The following BAAT variants were observed in gnomAD, a reference collection of about 807,000 sequenced individuals.
BAAT encodes bile acid CoA: amino acid N-acyltransferase (glycine N-choloyltransferase).
Under a neutral mutation model 18.9 loss-of-function variants are expected in BAAT, and 13 were observed. The ratio of observed to expected loss-of-function variants is 0.69; its 90% confidence interval spans 0.45 to 1.10. The LOEUF (loss-of-function observed/expected upper bound fraction) is 1.10. BAAT is among the 50% of genes least tolerant of loss of function. The pLI is 0.00. For synonymous variants in BAAT, 170 were observed against 190.7 expected, an observed-to-expected ratio of 0.89 and a Z score of 0.89; for missense variants, 489 against 504.0, an observed-to-expected ratio of 0.97 and a Z score of 0.28.
intron 1 of BAAT, among the ~76,000 whole-genome samples, chr9:101,381,583 A>G (rs1830133381): frequency 6.6e-6 from 1 of 152,212 alleles, no homozygotes; most frequent in African/African-American, 2.4e-5. Flanking sequence ...AGATTGTCAA[A>G]CTAATTGAAA....
In BAAT at chr9:101,378,685, TA is replaced by T. The variant is rs1216741711; in HGVS notation, c.-60+6169del. On this transcript the variant is annotated intron_variant, in intron 1 of 3. Coordinates refer to ENST00000259407, the MANE Select transcript of BAAT (RefSeq NM_001701.4). ...TAGGCACAGGCAAAGATTTCATGAC[TA>T]AAACACCAAAAGCAATTTCACCAGA... is the stretch of plus-strand genomic sequence containing the variant. 3.3e-5 allele frequency among the ~76,000 whole-genome samples: 5 copies of T among 152,288 alleles called. No homozygotes were observed. In the East Asian group the frequency reaches 7.7e-4, roughly 24 times the overall value.
intron 1 of BAAT, among the ~76,000 whole-genome samples, chr9:101,381,752 C>G: frequency 6.6e-6 from 1 of 152,088 alleles, no homozygotes; most frequent in South Asian, 2.1e-4. Context: ...AATGAGCCTA[C>G]AGAGAGAGAA....
In BAAT at chr9:101,372,915, T is replaced by G. The variant is rs77856890; in HGVS notation, c.-59-1452A>C. ...AGAAACTGTAGCCACAGAGTAAGTC[T>G]TTCTCTATCTGCCAACTTTCCGTAG... On this transcript the variant is annotated intron_variant, in intron 1 of 3. Transcript: ENST00000259407. Among the ~76,000 whole-genome samples the G allele has an allele frequency of 2.1e-3, 325 of 152,292 alleles. 3 individuals are homozygous for G. Among genetic ancestry groups the G allele is most frequent in the Middle Eastern group, 6.8e-3 (2 of 294 alleles).
chr9:101,368,794 C>A (rs756193310), intron 2 of BAAT, among the ~76,000 whole-genome samples: 14 of 152,058 alleles, frequency 9.2e-5, no homozygotes, highest in Non-Finnish European at 1.5e-4. Flanking sequence ...ACAATATATG[C>A]AAAATATGGT....
Position 101,371,478 on chromosome 9 carries a change from A to G in BAAT, c.-59-15T>C. 1.4e-6 allele frequency: 2 copies of G among 1,398,906 alleles called. No individual in the cohort carries two copies. Among genetic ancestry groups the G allele is most frequent in the Admixed American group, 3.7e-5 (2 of 53,680 alleles). The allele number at this position is 1,398,906 out of a possible 1,614,324, so 86.7% of individuals were successfully genotyped here. ...AACCTCAAAACCTCAAAAAAGAAAG[A>G]AAGAGGAGCAGTAAAATAAAGTAGA... On this transcript the variant is annotated splice_polypyrimidine_tract_variant and intron_variant, in intron 1 of 3. Transcript: ENST00000259407.
rs1829940115 is a variant in BAAT at position 101,371,367 on chromosome 9, A to G, written c.38T>C (p.Val13Ala). 6.2e-7 allele frequency: 1 copy of G among 1,613,148 alleles called. No individual in the cohort carries two copies. Among genetic ancestry groups the G allele is most frequent in the African/African-American group, 1.3e-5 (1 of 75,062 alleles). The change falls in exon 2 of 4, where the codon GTT becomes GCT. Residue 13 changes from valine to alanine, a missense_variant. Coordinates refer to ENST00000259407, the MANE Select transcript of BAAT (RefSeq NM_001701.4). ...AGCTCGGATATGCACTGGCTCATCA[A>G]CAAGTGCACTCACAGGGGTAGCTGT... ...QLTATPVSAL[V>A]DEPVHIRATG...
chr9:101,362,903 T>C lies in BAAT; in HGVS notation c.782A>G (p.Asn261Ser), dbSNP rs369138634. The C allele has an allele frequency of 6.8e-6, 11 of 1,613,960 alleles. No individual in the cohort carries two copies. The African/African-American group carries it at 1.2e-4, about 18-fold the overall frequency. Reference sequence around the variant, plus strand: ...TACCTGTGGAATGCCAAAAGGAAAGTTGGTCCCATTAATAAGTACCGTGGC... The same window carrying C: ...TACCTGTGGAATGCCAAAAGGAAAGCTGGTCCCATTAATAAGTACCGTGGC... Reference protein sequence around the residue: ...VTATVLINGTNFPFGIPQVYH... With the variant: ...VTATVLINGTSFPFGIPQVYH... The change falls in exon 4 of 4, where the codon AAC becomes AGC. Residue 261 changes from asparagine (N) to serine (S), a missense_variant. Physicochemically the swap from Asn to Ser is conservative, Grantham distance 46 (BLOSUM62 1). Transcript: ENST00000259407.
At chr9:101,365,601 A>G (rs926455197) in intron 3 of BAAT, among the ~76,000 whole-genome samples, 1 of 151,928 alleles carries the variant, frequency 6.6e-6, no homozygotes, top group African/African-American at 2.4e-5. Flanking sequence ...TGGTGGCTCA[A>G]TCTCGGCTCA....
intron 1 of BAAT, among the ~76,000 whole-genome samples, chr9:101,378,298 T>G (rs1197764431): frequency 6.6e-6 from 1 of 152,156 alleles, no homozygotes; most frequent in Non-Finnish European, 1.5e-5. Flanking sequence ...AGAACAACAC[T>G]GGAGGCATCA....
intron 1 of BAAT, among the ~76,000 whole-genome samples, chr9:101,379,356 A>C (rs1830096367): frequency 6.6e-6 from 1 of 152,172 alleles, no homozygotes; most frequent in African/African-American, 2.4e-5. Flanking sequence ...TCTTTAGAAG[A>C]ATTCACCCAA....
chr9:101,376,677 CA>C (rs968817856), intron 1 of BAAT: 1 of 152,294 alleles, frequency 6.6e-6, no homozygotes, highest in African/African-American at 2.4e-5. Flanking sequence ...CACTCACGCA[CA>C]AAGACTAGCT....
intron 2 of BAAT, 131 bp from the exon 3 acceptor site, chr9:101,368,453 A>C: frequency 1.2e-6 from 1 of 852,884 alleles, no homozygotes; most frequent in Non-Finnish European, 1.8e-6. Flanking sequence ...AGATAATAAA[A>C]ACATGAGAAC....
At chr9:101,366,128 C>A (rs1207012864) in intron 3 of BAAT, among the ~76,000 whole-genome samples, 1 of 152,130 alleles carries the variant, frequency 6.6e-6, no homozygotes, top group African/African-American at 2.4e-5. Context: ...CTTTCTCCCC[C>A]ACCCCTCCCA....
rs1426190263 is a variant in BAAT, at chr9:101,362,469, G to A, written c.1216C>T (p.Leu406Phe). 1.2e-6 allele frequency: 2 copies of A among 1,614,112 alleles called. No individual in the cohort carries two copies. The highest frequency in any genetic ancestry group is 1.1e-5 in the South Asian group (1 of 91,080). Reference protein sequence around the residue: ...EHAWKEIQRFLRKHLIPDVTS... With the variant: ...EHAWKEIQRFFRKHLIPDVTS... ...ACATCTGGAATGAGGTGCTTCCTGA[G>A]AAATCTCTGGATCTCCTTCCAAGCA... The change falls in exon 4 of 4, where the codon CTC becomes TTC. Residue 406 changes from leucine to phenylalanine, a missense_variant. Leu to Phe is a conservative substitution (Grantham distance 22, BLOSUM62 0). Transcript: ENST00000259407.
At chr9:101,373,398 C>G (rs1829990184) in intron 1 of BAAT, among the ~76,000 whole-genome samples, 1 of 152,154 alleles carries the variant, frequency 6.6e-6, no homozygotes, top group Non-Finnish European at 1.5e-5. Flanking sequence ...TCCCTTATCA[C>G]TAGAAGTACT....
chr9:101,370,312 G>T (rs1489920972), intron 2 of BAAT, among the ~76,000 whole-genome samples: 1 of 146,280 alleles, frequency 6.8e-6, no homozygotes, highest in Non-Finnish European at 1.5e-5. Context: ...CATTTTGCAT[G>T]CATTATCCTT....
Position 101,368,133 on chromosome 9 carries a change from A to T in BAAT, c.656T>A (p.Leu219Gln), listed in dbSNP as rs1479275835. The T allele has an allele frequency of 1.2e-6, 2 of 1,613,746 alleles. No homozygotes were observed. Among genetic ancestry groups the T allele is most frequent in the African/African-American group, 1.3e-5 (1 of 74,926 alleles). Reference protein sequence around the residue: ...EYFEEAANFLLRHPKVFGSGV... With the variant: ...EYFEEAANFLQRHPKVFGSGV... ...GACAAAAATTACCTTTGGATGTCTC[A>T]GGAGAAAGTTGGCAGCCTCCTCAAA... The change falls in exon 3 of 4, where the codon CTG (leucine) becomes CAG (glutamine). Residue 219 changes from leucine (L) to glutamine (Q), a missense_variant. Transcript: ENST00000259407.
chr9:101,380,678 G>C (rs77476512), intron 1 of BAAT, among the ~76,000 whole-genome samples: 121 of 152,266 alleles, frequency 7.9e-4, no homozygotes, highest in African/African-American at 2.8e-3. Context: ...TGGAGAAAAT[G>C]TTGATACCTA....
Position 101,383,509 on chromosome 9 carries a change from G to A in BAAT, c.-60+1346C>T, listed in dbSNP as rs576004140. The A allele has an allele frequency of 1.2e-4, 19 of 152,220 alleles. 1 individual carries two copies. The highest frequency in any genetic ancestry group is 4.3e-4 in the African/African-American group (18 of 41,524). The allele number at this position is 152,220 out of a possible 1,614,324, so 9.4% of individuals were successfully genotyped here. ...TTGAGCCTTCTTTTCCAGCAGTAGA[G>A]GGAAAATGACAGACACCCTACCAAA... is the stretch of plus-strand genomic sequence containing the variant. On this transcript the variant is annotated intron_variant, in intron 1 of 3. Coordinates refer to ENST00000259407, the MANE Select transcript of BAAT (RefSeq NM_001701.4).
Sources: allele counts gnomAD v4.1 joint callset (sites outside exome capture counted in the v4.1 genomes callset), GRCh38; gene constraint gnomAD v4.1.1; transcripts MANE v1.5; gene names NCBI Gene and HGNC (gene_info 2026-07-23, HGNC 2026-07-21).